The following NCOA4 variants were observed in gnomAD, a reference collection of about 807,000 sequenced individuals.
NCOA4 encodes the protein 70 kDa AR-activator.
In NCOA4, 31 loss-of-function variants were observed where a neutral mutation model predicts 69.5. The observed-to-expected ratio is 0.45, with a 90% confidence interval of 0.34 to 0.60. The LOEUF is 0.60. Among genes scored for constraint, NCOA4 ranks in the 20% least tolerant of loss-of-function variants. The probability of loss-of-function intolerance (pLI) is 0.02; values close to 1 mark genes in which losing one functional copy is unlikely to be tolerated. For synonymous variants in NCOA4, 228 were observed against 252.4 expected, an observed-to-expected ratio of 0.90 and a Z score of 0.92; for missense variants, 600 against 719.2, an observed-to-expected ratio of 0.83 and a Z score of 1.90.
At chr10:46,006,830 C>T (rs1430404235) in intron 9 of NCOA4, among the ~76,000 whole-genome samples, 4 of 152,292 alleles carry the variant, frequency 2.6e-5, no homozygotes, top group Admixed American at 6.5e-5. Context: ...CTTCTCTCTC[C>T]TCAGGCCTCC....
intron 1 of NCOA4, among the ~76,000 whole-genome samples, chr10:46,022,747 G>C (rs1241995827): frequency 1.3e-5 from 2 of 152,112 alleles, no homozygotes; most frequent in African/African-American, 2.4e-5. Context: ...TTACAAGCGT[G>C]AGCCACCGCG....
chr10:46,010,130 T>C (rs1554920804), intron 8 of NCOA4, 93 bp downstream of exon 8: 2 of 1,441,752 alleles, frequency 1.4e-6, no homozygotes, highest in African/African-American at 2.9e-5. Flanking sequence ...ATCGCACCAC[T>C]GCACTCCAGC....
At chr10:46,011,626 A>G (rs1226974373) in intron 7 of NCOA4, among the ~76,000 whole-genome samples, 6 of 152,184 alleles carry the variant, frequency 3.9e-5, no homozygotes, top group Admixed American at 6.5e-5. Context: ...AAGTACACAA[A>G]GCCAAAAGGC....
At chr10:46,015,062 G>A (rs1839456806) in intron 3 of NCOA4, 64 bp downstream of exon 3, 11 of 1,606,890 alleles carry the variant, frequency 6.8e-6, no homozygotes, top group Non-Finnish European at 8.5e-6. Flanking sequence ...TGCATTACAA[G>A]GAAGATACTC....
chr10:46,010,634 C>G lies in NCOA4; in HGVS notation c.1287G>C (p.Lys429Asn). The change falls in exon 8 of 10, where the codon AAG (lysine) becomes AAC (asparagine). Residue 429 changes from lysine (K) to asparagine (N), a missense_variant. Physicochemically the swap from Lys to Asn is moderately conservative, Grantham distance 94. Coordinates refer to ENST00000581486, the MANE Select transcript of NCOA4 (RefSeq NM_001145263.2). ...CCTTTCCTTCTTTCTTCAGAAGCCA[C>G]TTATACAGAGCCTCCTTCTCACAAT... ...DENCEKEALY[K>N]WLLKKEGKDK... The G allele has an allele frequency of 6.2e-7, 1 of 1,614,206 alleles. No homozygotes were observed. The highest frequency in any genetic ancestry group is 1.1e-5 in the South Asian group (1 of 91,082).
chr10:46,013,117 C>T, intron 6 of NCOA4, 91 bp from the exon 7 acceptor site: 2 of 1,270,444 alleles, frequency 1.6e-6, no homozygotes, highest in South Asian at 2.7e-5. Context: ...TTGCCACTGA[C>T]CCTGGGCAAA....
chr10:46,016,797 C>T (rs1293823059), intron 1 of NCOA4, 103 bp from the exon 2 acceptor site: 3 of 765,218 alleles, frequency 3.9e-6, no homozygotes, highest in Non-Finnish European at 5.5e-6. Context: ...CCATTACTAA[C>T]TACTTAGATT....
intron 1 of NCOA4, chr10:46,023,235 G>C: frequency 6.1e-6 from 6 of 976,898 alleles, no homozygotes; most frequent in Non-Finnish European, 7.3e-6. Flanking sequence ...CAGTTGTGCA[G>C]TCAGCCGCTG....
chr10:46,015,110 C>A lies in NCOA4; in HGVS notation c.282+16G>T. The stretch of plus-strand genomic sequence containing the variant: ...AAGCCATGCTCAAACCAATTCTAGC[C>A]ATGCAGTCACCTTACCGAGTAGAGC... On this transcript the variant is annotated intron_variant, in intron 3 of 9. Coordinates refer to ENST00000581486, the MANE Select transcript of NCOA4 (RefSeq NM_001145263.2). The A allele has an allele frequency of 6.2e-7, 1 of 1,614,170 alleles. No individual in the cohort carries two copies. Among genetic ancestry groups the A allele is most frequent in the Non-Finnish European group, 8.5e-7 (1 of 1,180,028 alleles).
chr10:46,022,290 A>C (rs1554924535), intron 1 of NCOA4: 1 of 393,060 alleles, frequency 2.5e-6, no homozygotes, highest in African/African-American at 2.1e-5. Context: ...TATGAGTACT[A>C]CACTCGAAAT....
Position 46,010,353 on chromosome 10 carries a change from A to G in NCOA4, c.1568T>C (p.Phe523Ser), listed in dbSNP as rs781979459. ...GTEDRAGKQK[F>S]KSPMNTSWCS... is the part of the protein sequence containing the mutation. ...CCAGGAAGTATTCATGGGGCTTTTA[A>G]ACTTCTGTTTGCCAGCTCTGTCTTC... The change falls in exon 8 of 10, where the codon TTT becomes TCT. Residue 523 changes from phenylalanine to serine, a missense_variant. Transcript: ENST00000581486. 2 of 1,614,096 alleles carry G rather than the reference A, an allele frequency of 1.2e-6. No homozygotes were observed. Among genetic ancestry groups the G allele is most frequent in the East Asian group, 4.5e-5 (2 of 44,882 alleles).
At chr10:46,017,345 G>A (rs782146780) in intron 1 of NCOA4, among the ~76,000 whole-genome samples, 15 of 152,172 alleles carry the variant, frequency 9.9e-5, no homozygotes, top group Middle Eastern at 3.4e-3. Flanking sequence ...CCAGGAGTTC[G>A]GGACCAGCCT....
In NCOA4 at chr10:46,006,341, G is replaced by T. The variant is rs868928260; in HGVS notation, c.*251C>A. 7 of 522,190 alleles carry T rather than the reference G, an allele frequency of 1.3e-5. No individual in the cohort carries two copies. The highest frequency in any genetic ancestry group is 1.1e-4 in the African/African-American group (6 of 52,966). The allele number at this position is 522,190 out of a possible 1,614,324, so 32.3% of individuals were successfully genotyped here. ...TCCACAAAGATGCTGCATTTCTAGT[G>T]TGGGGTGAATTAAAATACTTCTGTA... On this transcript the variant is annotated 3_prime_UTR_variant, in exon 10 of 10. Coordinates refer to ENST00000581486, the MANE Select transcript of NCOA4 (RefSeq NM_001145263.2).
chr10:46,009,570 G>A lies in NCOA4; in HGVS notation c.1699-19C>T. The A allele has an allele frequency of 1.9e-6, 3 of 1,596,402 alleles. No homozygotes were observed. In the South Asian group the frequency reaches 3.4e-5, roughly 18 times the overall value. On this transcript the variant is annotated intron_variant, in intron 8 of 9. Coordinates refer to ENST00000581486, the MANE Select transcript of NCOA4 (RefSeq NM_001145263.2). ...ATACTTCCTGCAATAAAAGAAAAGAGTAGGTTGCTTCATGAAAACAAGGAG... is the reference window on the plus strand; with the variant it reads ...ATACTTCCTGCAATAAAAGAAAAGAATAGGTTGCTTCATGAAAACAAGGAG...
At chr10:46,014,259 C>T (rs542057143) in intron 5 of NCOA4, among the ~76,000 whole-genome samples, 185 bp downstream of exon 5, 2 of 152,126 alleles carry the variant, frequency 1.3e-5, no homozygotes, top group Non-Finnish European at 2.9e-5. Context: ...TCAAGTGATC[C>T]GCCCTCCTCG....
intron 1 of NCOA4, 63 bp from the exon 2 acceptor site, chr10:46,016,757 C>CAT: frequency 8.3e-7 from 1 of 1,203,988 alleles, no homozygotes; most frequent in Non-Finnish European, 1.1e-6. Context: ...ACCTTTGAAT[C>CAT]ATCCCTCAAA....
intron 9 of NCOA4, among the ~76,000 whole-genome samples, chr10:46,008,881 A>G (rs1186768971): frequency 6.6e-6 from 1 of 152,262 alleles, no homozygotes; most frequent in African/African-American, 2.4e-5. Context: ...ACATCAAGGC[A>G]AGAACCTCCA....
At chr10:46,030,287 C>A (rs1712081886) in intron 1 of NCOA4, among the ~76,000 whole-genome samples, 1 of 151,298 alleles carries the variant, frequency 6.6e-6, no homozygotes. Context: ...CCGGGCCCGG[C>A]GTGTGGCGGG....
intron 9 of NCOA4, chr10:46,009,058 A>G (rs1839028705): frequency 9.4e-7 from 1 of 1,065,810 alleles, no homozygotes. Flanking sequence ...TGGGAAACCA[A>G]AGTATTTGTG....
Sources: gnomAD v4.1 joint callset for allele counts (sites outside exome capture counted in the v4.1 genomes callset) on GRCh38, gnomAD v4.1.1 for gene constraint, MANE v1.5 for transcripts, NCBI Gene and HGNC (gene_info 2026-07-23, HGNC 2026-07-21) for gene names.